Variants in ZNF536 observed in about 807,000 individuals in gnomAD.
ZNF536 encodes zinc finger protein 536.
Under a neutral mutation model 84.5 loss-of-function variants are expected in ZNF536, and 13 were observed. The observed-to-expected ratio is 0.15, with a 90% CI of 0.10 to 0.24. The LOEUF is 0.24. Among genes scored for constraint, ZNF536 ranks in the 10% least tolerant of loss-of-function variants. The probability of loss-of-function intolerance (pLI) is 1.00; values close to 1 mark genes in which losing one functional copy is unlikely to be tolerated. For missense variants in ZNF536, 1,536 were observed against 1,747.5 expected (o/e 0.88, Z 2.16); for synonymous variants, 811 against 742.5 (o/e 1.09, Z -1.50).
At chr19:30,547,543 A>C (rs1178158203) in intron 3 of ZNF536, among the ~76,000 whole-genome samples, 1 of 152,234 alleles carries the variant, frequency 6.6e-6, no homozygotes, top group Admixed American at 6.5e-5. Context: ...AATTTAAACA[A>C]ATTTTAGATC....
At chr19:30,497,682 C>T (rs566192711) in intron 2 of ZNF536, among the ~76,000 whole-genome samples, 4 of 152,260 alleles carry the variant, frequency 2.6e-5, no homozygotes, top group Admixed American at 6.5e-5. Flanking sequence ...TTCTTCGGAA[C>T]TGTTGTACTT....
At chr19:30,334,762 T>A (rs775822164) in intron 2 of ZNF536, among the ~76,000 whole-genome samples, 2 of 152,188 alleles carry the variant, frequency 1.3e-5, no homozygotes, top group Non-Finnish European at 2.9e-5. Flanking sequence ...GCACCGGGGA[T>A]CTGTTTCATG....
intron 1 of ZNF536, among the ~76,000 whole-genome samples, chr19:30,374,571 C>T (rs1425926400): frequency 6.6e-6 from 1 of 152,182 alleles, no homozygotes; most frequent in Non-Finnish European, 1.5e-5. Context: ...AGAAAGGCGC[C>T]TTGGCACCGC....
intron 1 of ZNF536, among the ~76,000 whole-genome samples, chr19:30,240,919 G>A (rs796394315): frequency 2.2e-4 from 34 of 152,308 alleles, no homozygotes; most frequent in African/African-American, 7.2e-4. Context: ...GAGAGGCTTT[G>A]AGATTTGGAA....
At chr19:30,639,333 C>A (rs539137795) in intron 1 of ZNF536, among the ~76,000 whole-genome samples, 1 of 152,110 alleles carries the variant, frequency 6.6e-6, no homozygotes, top group Non-Finnish European at 1.5e-5. Context: ...CTGGTGTACC[C>A]GAAGTATTAT....
intron 1 of ZNF536, among the ~76,000 whole-genome samples, chr19:30,391,500 C>T (rs1449844905): frequency 1.3e-5 from 2 of 152,106 alleles, no homozygotes; most frequent in Non-Finnish European, 2.9e-5. Context: ...CTCTTGAAGC[C>T]GGGAGGCGGA....
intron 1 of ZNF536, among the ~76,000 whole-genome samples, chr19:30,599,967 C>T (rs1175851319): frequency 7.0e-6 from 1 of 143,270 alleles, no homozygotes; most frequent in Non-Finnish European, 1.6e-5. Context: ...TATGATACAA[C>T]AATTTCCACG....
chr19:30,394,644 ATTGT>A (rs888049346), intron 1 of ZNF536, among the ~76,000 whole-genome samples: 2 of 152,250 alleles, frequency 1.3e-5, no homozygotes, highest in Middle Eastern at 3.4e-3. Flanking sequence ...TCTGGTGGTA[ATTGT>A]TTGCCCCACC....
chr19:30,577,195 T>TA (rs1444698883), intron 1 of ZNF536, among the ~76,000 whole-genome samples: 1 of 152,220 alleles, frequency 6.6e-6, no homozygotes, highest in East Asian at 1.9e-4. Context: ...AAGAAAGCTT[T>TA]AAAAAATTAG....
chr19:30,583,331 G>A (rs369817123), intron 1 of ZNF536, among the ~76,000 whole-genome samples: 18 of 152,340 alleles, frequency 1.2e-4, no homozygotes, highest in African/African-American at 4.3e-4. Context: ...CTTTCTCCAG[G>A]CTGGTGGGGA....
intron 3 of ZNF536, among the ~76,000 whole-genome samples, chr19:30,355,679 G>T (rs2048071109): frequency 6.6e-6 from 1 of 152,084 alleles, no homozygotes. Flanking sequence ...TGGCCTGTTG[G>T]TAATTGGGCT....
At chr19:30,577,590 A>G (rs1024485869) in intron 1 of ZNF536, among the ~76,000 whole-genome samples, 3 of 152,098 alleles carry the variant, frequency 2.0e-5, no homozygotes, top group African/African-American at 7.2e-5. Context: ...GGGTCATTCT[A>G]GTTCTTCTGT....
intron 1 of ZNF536, among the ~76,000 whole-genome samples, chr19:30,620,052 A>C (rs1402082810): frequency 6.9e-6 from 1 of 144,416 alleles, no homozygotes; most frequent in African/African-American, 2.6e-5. Flanking sequence ...TTGTAGTGAT[A>C]ATTTAGGTAC....
At chr19:30,555,310 A>T (rs1261256781) in intron 4 of ZNF536, 1 of 152,166 alleles carries the variant, frequency 6.6e-6, no homozygotes, top group Non-Finnish European at 1.5e-5. Flanking sequence ...ATCCACGTGA[A>T]ACTGTTGCAA....
chr19:30,479,604 C>T (rs1489452388), intron 2 of ZNF536, among the ~76,000 whole-genome samples: 1 of 152,194 alleles, frequency 6.6e-6, no homozygotes. Context: ...TTCCTTCATT[C>T]AGGGGCCCTC....
At chr19:30,329,817 A>G (rs190510171) in intron 2 of ZNF536, among the ~76,000 whole-genome samples, 148 of 152,174 alleles carry the variant, frequency 9.7e-4, no homozygotes, top group Non-Finnish European at 1.8e-3. Flanking sequence ...GGCATAAGTT[A>G]ACTTACTGGG....
At position 30,445,419 on chromosome 19, in the gene ZNF536, C is replaced by A. The variant is rs199990247; in HGVS notation, c.1857C>A (p.Asn619Lys). ...GGCTGAACCAGACTCTCGAGTATAACCTGCAGGGTCCTGGGAACATGAAGG... is the reference window on the plus strand; with the variant it reads ...GGCTGAACCAGACTCTCGAGTATAAACTGCAGGGTCCTGGGAACATGAAGG... ...SHGLNQTLEYNLQGPGNMKEK... is the reference protein window; with the variant it reads ...SHGLNQTLEYKLQGPGNMKEK... The change falls in exon 2 of 5, where the codon AAC (asparagine) becomes AAA (lysine). Residue 619 changes from asparagine to lysine, a missense_variant. Physicochemically the swap from Asn to Lys is moderately conservative, Grantham distance 94. This residue lies in a region of ZNF536 where 366 missense variants were observed against 364.4 expected (regional missense o/e 1.00). Coordinates refer to ENST00000355537, the MANE Select transcript of ZNF536 (RefSeq NM_014717.3). The surrounding 1 kb of genome is among the most constrained non-coding windows in gnomAD (Gnocchi z 4.5). The A allele has an allele frequency of 2.0e-5, 33 of 1,614,048 alleles. No homozygotes were observed. Among genetic ancestry groups the A allele is most frequent in the Non-Finnish European group, 1.3e-5 (15 of 1,180,052 alleles).
chr19:30,401,250 A>T (rs1295855624), intron 1 of ZNF536, among the ~76,000 whole-genome samples: 1 of 151,974 alleles, frequency 6.6e-6, no homozygotes, highest in Non-Finnish European at 1.5e-5. Context: ...CTTTTACGAG[A>T]TGGAGTCTCA....
At chr19:30,663,797 C>T (rs1323855302) in intron 1 of ZNF536, among the ~76,000 whole-genome samples, 1 of 152,090 alleles carries the variant, frequency 6.6e-6, no homozygotes, top group Non-Finnish European at 1.5e-5. Flanking sequence ...ATCTATATGT[C>T]CATGATCGTG....
Sources: allele counts gnomAD v4.1 joint callset (sites outside exome capture counted in the v4.1 genomes callset), GRCh38; gene constraint gnomAD v4.1.1; regional missense constraint gnomAD v4.1.1; non-coding constraint Gnocchi (gnomAD v3.1); transcripts MANE v1.5; gene names NCBI Gene and HGNC (gene_info 2026-07-23, HGNC 2026-07-21).